Variants in CSF2RA observed in about 807,000 individuals in gnomAD.
The protein encoded by CSF2RA is colony stimulating factor 2 receptor subunit alpha.
Under a neutral mutation model 51.6 loss-of-function variants are expected in CSF2RA, and 42 were observed. The observed-to-expected ratio is 0.81, with a 90% CI of 0.64 to 1.05. The LOEUF (loss-of-function observed/expected upper bound fraction) is 1.05. CSF2RA is among the 50% of genes least tolerant of loss of function. CSF2RA has a pLI of 0.00. For synonymous variants in CSF2RA, 222 were observed against 193.0 expected, an observed-to-expected ratio of 1.15 and a Z score of -1.24; for missense variants, 530 against 501.1, an observed-to-expected ratio of 1.06 and a Z score of -0.55.
chrX:1,277,251 A>G (rs1366522053), intron 2 of CSF2RA, among the ~76,000 whole-genome samples: 1 of 151,984 alleles, frequency 6.6e-6, no homozygotes, highest in African/African-American at 2.4e-5. Flanking sequence ...GTGTTACAGG[A>G]AAGGGGTTCG....
At chrX:1,323,164 A>T in the CSF2RA span, among the ~76,000 whole-genome samples, 567 of 150,954 alleles carry the variant, frequency 3.8e-3, 8 homozygotes, top group African/African-American at 0.013. Flanking sequence ...CAATTATAAA[A>T]TAAAATAAAA....
intron 2 of CSF2RA, among the ~76,000 whole-genome samples, chrX:1,280,892 C>CCTCCTCCTCCTGCTCCTT (rs2089859926): frequency 2.2e-5 from 3 of 135,968 alleles, no homozygotes; most frequent in East Asian, 5.0e-4. Context: ...TCCTTCTCCT[C>CCTCCTCCTCCTGCTCCTT]CTCCTCCTCC....
chrX:1,294,779 G>A (rs1167019993), intron 8 of CSF2RA, among the ~76,000 whole-genome samples: 1 of 151,978 alleles, frequency 6.6e-6, no homozygotes, highest in Non-Finnish European at 1.5e-5. Flanking sequence ...TGGACGCAGT[G>A]TAGACAGAAG....
intron 7 of CSF2RA, among the ~76,000 whole-genome samples, chrX:1,293,203 C>T (rs1466445528): frequency 8.0e-6 from 1 of 125,652 alleles, no homozygotes; most frequent in African/African-American, 3.2e-5. Context: ...ACAGTCTGAT[C>T]TTTCTTTTTG....
intron 1 of CSF2RA, among the ~76,000 whole-genome samples, chrX:1,272,282 C>T (rs1485939236): frequency 6.6e-6 from 1 of 151,204 alleles, no homozygotes; most frequent in Non-Finnish European, 1.5e-5. Flanking sequence ...AATGTGTATA[C>T]ACAAGATTCT....
chrX:1,324,526 G>A, the CSF2RA span, among the ~76,000 whole-genome samples: 46 of 127,070 alleles, frequency 3.6e-4, no homozygotes, highest in East Asian at 5.0e-3. Context: ...AGAAGGAAGG[G>A]AGGGAGGGAG....
Position 1,271,224 on chromosome X carries a change from C to G in CSF2RA, c.-91+2345C>G, listed in dbSNP as rs746620624. On this transcript the variant is annotated intron_variant, in intron 1 of 12. Transcript: ENST00000381529. ...CCAGGCTGGAGGGCAGTGGCGCGATCTCTGCTCACCGCAACCTCCGCCTCC... is the reference window on the plus strand; with the variant it reads ...CCAGGCTGGAGGGCAGTGGCGCGATGTCTGCTCACCGCAACCTCCGCCTCC... Among the ~76,000 whole-genome samples the G allele has an allele frequency of 9.1e-4, 29 of 31,860 alleles. 2 individuals carry two copies. The East Asian group carries it at 0.015, about 17-fold the overall frequency. 20.9% of individuals were successfully genotyped at this position (31,860 alleles called of 152,430 possible).
chrX:1,300,448 AC>A (rs2148592993), intron 9 of CSF2RA, 42 bp from the exon 10 acceptor site: 1 of 1,613,188 alleles, frequency 6.2e-7, no homozygotes, highest in East Asian at 2.2e-5. Context: ...CTTTTCCTCC[AC>A]ACAGAAGACG....
Position 1,282,769 on chromosome X carries a change from A to G in CSF2RA, c.66A>G (p.Pro22=), listed in dbSNP as rs2090194477. 1 of 1,613,504 alleles carries G rather than the reference A, an allele frequency of 6.2e-7. No individual in the cohort carries two copies. Among genetic ancestry groups the G allele is most frequent in the Admixed American group, 1.7e-5 (1 of 59,956 alleles). ...CACACCCAGCATTCCTCCTGATCCC[A>G]GAGAAATCGGGTAAGTATGGAAACC... ...ELPHPAFLLI[P]EKSDLRTVAP... The change falls in exon 3 of 13, where the codon CCA becomes CCG. Residue 22 remains proline (P), a synonymous_variant. Transcript: ENST00000381529.
At chrX:1,314,088 C>T (rs1397532986), downstream of CSF2RA, among the ~76,000 whole-genome samples, 1 of 152,074 alleles carries the variant, frequency 6.6e-6, no homozygotes, top group Non-Finnish European at 1.5e-5. Context: ...GACTGAGGCC[C>T]CTGAAGGCTG....
At chrX:1,286,298 G>A (rs1471524408) in intron 4 of CSF2RA, among the ~76,000 whole-genome samples, 2 of 150,306 alleles carry the variant, frequency 1.3e-5, no homozygotes, top group African/African-American at 2.5e-5. Flanking sequence ...GCCGGGTGTG[G>A]TGGCTCACGC....
At chrX:1,300,295 G>A (rs1436691921) in intron 9 of CSF2RA, 196 bp from the exon 10 acceptor site, 2 of 630,200 alleles carry the variant, frequency 3.2e-6, no homozygotes, top group Admixed American at 3.1e-5. Context: ...GTCTCCCATC[G>A]AAATACTAAC....
At chrX:1,323,870 C>G in the CSF2RA span, among the ~76,000 whole-genome samples, 45 of 151,798 alleles carry the variant, frequency 3.0e-4, no homozygotes, top group South Asian at 9.2e-3. Flanking sequence ...AAAAATTAGC[C>G]GGGCGTGGTG....
intron 9 of CSF2RA, 102 bp downstream of exon 9, chrX:1,295,558 TAC>T: frequency 3.5e-6 from 3 of 857,240 alleles, no homozygotes; most frequent in East Asian, 2.9e-5. Flanking sequence ...TCATGACCCC[TAC>T]AGTCCCCTAC....
At chrX:1,296,049 G>T (rs1422158755) in intron 9 of CSF2RA, among the ~76,000 whole-genome samples, 1 of 147,122 alleles carries the variant, frequency 6.8e-6, no homozygotes, top group Non-Finnish European at 1.5e-5. Context: ...GACCCCTAGC[G>T]TAACCATACA....
intron 2 of CSF2RA, 31 bp downstream of exon 2, chrX:1,274,849 T>C (rs1481719989): frequency 4.4e-6 from 2 of 452,894 alleles, no homozygotes; most frequent in Non-Finnish European, 8.8e-6. Context: ...GTCGGTAATG[T>C]GGTTGGGGAT....
intron 1 of CSF2RA, among the ~76,000 whole-genome samples, chrX:1,269,202 C>T (rs1317704369): frequency 1.3e-5 from 2 of 152,006 alleles, no homozygotes; most frequent in Non-Finnish European, 2.9e-5. Context: ...CGTTGGTTTA[C>T]AGAAAAAAAC....
intron 6 of CSF2RA, among the ~76,000 whole-genome samples, chrX:1,289,459 TTTTTG>T (rs1216892411): frequency 2.0e-5 from 3 of 152,086 alleles, no homozygotes; most frequent in Non-Finnish European, 4.4e-5. Context: ...TGTTTTGTGT[TTTTTG>T]TTTTGTTTTG....
chrX:1,304,622 G>A (rs1303230267), intron 11 of CSF2RA, among the ~76,000 whole-genome samples: 3 of 146,400 alleles, frequency 2.0e-5, no homozygotes, highest in South Asian at 2.2e-4. Context: ...CTTGAAGAGC[G>A]TGGTTTCTGG....
Sources: allele counts gnomAD v4.1 joint callset (sites outside exome capture counted in the v4.1 genomes callset), GRCh38; gene constraint gnomAD v4.1.1; transcripts MANE v1.5; gene names NCBI Gene and HGNC (gene_info 2026-07-23, HGNC 2026-07-21).